MIA2: variants seen among roughly 807,000 people sequenced by gnomAD.
The protein encoded by MIA2 is melanoma inhibitory activity protein 2.
MIA2 carries 127 observed loss-of-function variants against 167.8 expected under a neutral mutation model. That is an observed-to-expected ratio of 0.76 (90% confidence interval 0.66 to 0.88). MIA2 has a LOEUF of 0.88. Ranked by LOEUF, MIA2 falls within the 40% of genes least tolerant of loss-of-function variation. The probability of loss-of-function intolerance (pLI) is 0.00; values close to 1 mark genes in which losing one functional copy is unlikely to be tolerated. For missense variants in MIA2, 1,690 were observed against 1,624.7 expected, an observed-to-expected ratio of 1.04 and a Z score of -0.69; for synonymous variants, 552 against 541.9, an observed-to-expected ratio of 1.02 and a Z score of -0.26.
chr14:39,276,196 C>G (rs2057978185), intron 6 of MIA2: 1 of 152,022 alleles, frequency 6.6e-6, no homozygotes, highest in South Asian at 2.1e-4. Flanking sequence ...ATGAGCTGAC[C>G]CAGAGAAAGG....
At chr14:39,277,230 A>C (rs2058132000) in intron 7 of MIA2, among the ~76,000 whole-genome samples, 165 bp downstream of exon 7, 2 of 151,974 alleles carry the variant, frequency 1.3e-5, no homozygotes, top group South Asian at 4.2e-4. Context: ...GATGAGGGTC[A>C]GGAATGAGAG....
chr14:39,288,444 TATATATATATA>T (rs2060120351), intron 9 of MIA2, among the ~76,000 whole-genome samples: 2 of 9,790 alleles, frequency 2.0e-4, no homozygotes, highest in Non-Finnish European at 5.9e-4. Flanking sequence ...TATATATATA[TATATATATATA>T]TATATATATA....
At chr14:39,307,618 T>G (rs1172233339) in intron 17 of MIA2, among the ~76,000 whole-genome samples, 3 of 152,086 alleles carry the variant, frequency 2.0e-5, no homozygotes, top group African/African-American at 7.2e-5. Context: ...CAGGCTGGTC[T>G]TGAACTCCTG....
intron 24 of MIA2, among the ~76,000 whole-genome samples, chr14:39,321,648 C>G (rs758431846): frequency 2.6e-5 from 4 of 151,760 alleles, no homozygotes; most frequent in Admixed American, 6.6e-5. Flanking sequence ...ATATTTTTGA[C>G]TTCTTAAAAA....
At chr14:39,355,913 T>G (rs887682657), downstream of MIA2, among the ~76,000 whole-genome samples, 2 of 152,234 alleles carry the variant, frequency 1.3e-5, no homozygotes, top group African/African-American at 4.8e-5. Context: ...TATTTGATCA[T>G]GGTGGATAAG....
intron 23 of MIA2, among the ~76,000 whole-genome samples, chr14:39,376,111 G>A (rs2075041114): frequency 6.6e-6 from 1 of 151,988 alleles, no homozygotes; most frequent in East Asian, 1.9e-4. Flanking sequence ...CTGCCACCAT[G>A]CCCAGCTAAT....
intron 6 of MIA2, chr14:39,267,379 A>G: frequency 6.2e-7 from 1 of 1,600,240 alleles, no homozygotes; most frequent in East Asian, 2.2e-5. Flanking sequence ...TTCCGGACCG[A>G]AGGCTGTGTG....
At chr14:39,294,107 G>A (rs1419223062) in intron 12 of MIA2, 36 bp downstream of exon 12, 5 of 1,433,394 alleles carry the variant, frequency 3.5e-6, no homozygotes, top group Non-Finnish European at 4.8e-6. Flanking sequence ...TGTTGCTTTT[G>A]GAAATAATTT....
chr14:39,375,528 TCTACTAAAA>T (rs1348464702), intron 23 of MIA2, among the ~76,000 whole-genome samples: 1 of 152,096 alleles, frequency 6.6e-6, no homozygotes, highest in Non-Finnish European at 1.5e-5. Flanking sequence ...AAACCCTGTA[TCTACTAAAA>T]ATGCAAAAAA....
intron 25 of MIA2, among the ~76,000 whole-genome samples, chr14:39,332,475 GT>G (rs1291344473): frequency 6.6e-6 from 1 of 152,110 alleles, no homozygotes; most frequent in African/African-American, 2.4e-5. Flanking sequence ...GTCCAGTTTT[GT>G]TCCCTTGCTG....
intron 17 of MIA2, among the ~76,000 whole-genome samples, chr14:39,305,302 T>G (rs924403761): frequency 6.6e-6 from 1 of 152,218 alleles, no homozygotes; most frequent in Non-Finnish European, 1.5e-5. Context: ...CTATGGGAGA[T>G]ATACAGAAGG....
chr14:39,339,704 AATGTTTT>A (rs2071344172), intron 25 of MIA2, among the ~76,000 whole-genome samples: 1 of 152,200 alleles, frequency 6.6e-6, no homozygotes, highest in South Asian at 2.1e-4. Context: ...TAATAATAGA[AATGTTTT>A]ATATCTATAC....
intron 6 of MIA2, among the ~76,000 whole-genome samples, chr14:39,254,615 C>T (rs570240927): frequency 9.9e-5 from 15 of 152,236 alleles, no homozygotes; most frequent in Non-Finnish European, 5.9e-5. Context: ...AGATTGTATG[C>T]GCTGTCTAAA....
chr14:39,247,977 G>A lies in MIA2; in HGVS notation c.1403G>A (p.Trp468Ter). ...TTCTTGTATAATTTTGACAACCCTT[G>A]GAACTTCCAGAACATTCCAAAGGAA... ...KKFLYNFDNPWNFQNIPKETE... is the reference protein window; with the variant it reads ...KKFLYNFDNP Residue 468 changes from tryptophan to a stop codon, truncating the protein, a stop_gained, in exon 4 of 29, where the codon TGG becomes TAG. Transcript: ENST00000640607. LOFTEE classifies it high-confidence loss of function. 1 of 1,594,846 alleles carries A rather than the reference G, an allele frequency of 6.3e-7. No homozygotes were observed. The highest frequency in any genetic ancestry group is 1.2e-5 in the South Asian group (1 of 85,990).
chr14:39,322,864 G>A (rs2066729096), intron 24 of MIA2, among the ~76,000 whole-genome samples: 1 of 152,168 alleles, frequency 6.6e-6, no homozygotes, highest in African/African-American at 2.4e-5. Flanking sequence ...TATAAGAGCT[G>A]ATGGCATTCT....
At chr14:39,353,917 G>C (rs1157735314), downstream of MIA2, among the ~76,000 whole-genome samples, 9 of 152,202 alleles carry the variant, frequency 5.9e-5, no homozygotes, top group Non-Finnish European at 1.3e-4. Flanking sequence ...TGGCTGCATA[G>C]TATTCCATGG....
At chr14:39,374,184 A>G (rs1471285525) in intron 23 of MIA2, among the ~76,000 whole-genome samples, 1 of 152,232 alleles carries the variant, frequency 6.6e-6, no homozygotes, top group Admixed American at 6.5e-5. Context: ...ATTCAAAGAA[A>G]TGGTAGCTGA....
At chr14:39,254,489 A>G (rs774322631) in intron 6 of MIA2, among the ~76,000 whole-genome samples, 1 of 152,236 alleles carries the variant, frequency 6.6e-6, no homozygotes, top group Non-Finnish European at 1.5e-5. Context: ...GAGTCCAGTC[A>G]AGAAGCTGTT....
chr14:39,364,037 G>T (rs1277457167), intron 23 of MIA2, among the ~76,000 whole-genome samples: 1 of 152,128 alleles, frequency 6.6e-6, no homozygotes, highest in Non-Finnish European at 1.5e-5. Flanking sequence ...TTGTTCATAT[G>T]TGGTGAACTT....
Sources: allele counts gnomAD v4.1 joint callset (sites outside exome capture counted in the v4.1 genomes callset), GRCh38; gene constraint gnomAD v4.1.1; transcripts MANE v1.5; gene names NCBI Gene and HGNC (gene_info 2026-07-23, HGNC 2026-07-21).